Variants in SESN3 observed in about 807,000 individuals in gnomAD.
The protein encoded by SESN3 is sestrin 3, also known as sestrin-3.
SESN3 carries 21 observed loss-of-function variants against 55.3 expected under a neutral mutation model. The observed-to-expected ratio is 0.38, with a 90% CI of 0.27 to 0.55. The LOEUF is 0.55. SESN3 is among the 20% of genes least tolerant of loss of function. The pLI is 0.76. For missense variants in SESN3, 408 were observed against 604.3 expected (o/e 0.68, Z 3.41); for synonymous variants, 181 against 203.1 (o/e 0.89, Z 0.93).
At chr11:95,197,629 C>T (rs1860386819) in intron 1 of SESN3, among the ~76,000 whole-genome samples, 1 of 151,908 alleles carries the variant, frequency 6.6e-6, no homozygotes, top group Admixed American at 6.6e-5. Context: ...TGATCATTTA[C>T]TTTTATGTTT....
intron 6 of SESN3, among the ~76,000 whole-genome samples, chr11:95,179,216 G>A (rs1358449974): frequency 5.3e-5 from 8 of 151,512 alleles, no homozygotes; most frequent in Admixed American, 5.3e-4. Context: ...GTGCAGTGGC[G>A]CGATCTTAGC....
Position 95,166,126 on chromosome 11 carries a change from G to A in SESN3, c.*7129C>T, listed in dbSNP as rs1342687539. On this transcript the variant is annotated 3_prime_UTR_variant, in exon 10 of 10. Coordinates refer to ENST00000536441, the MANE Select transcript of SESN3 (RefSeq NM_144665.4). ...ACCGCCATTTGACACTGAAACTTGC[G>A]TGAATCCTAAATTGCATCAATTATC... is the stretch of plus-strand genomic sequence containing the variant. The A allele has an allele frequency of 2.0e-5, 3 of 152,082 alleles. No individual in the cohort carries two copies. Among genetic ancestry groups the A allele is most frequent in the South Asian group, 2.1e-4 (1 of 4,826 alleles). 9.4% of individuals were successfully genotyped at this position (152,082 alleles called of 1,614,324 possible). A position where few individuals can be genotyped will look rare whatever the true frequency, so the allele number is the denominator to read the frequency against.
upstream of SESN3, chr11:95,231,626 G>A (rs1861072521): frequency 6.5e-6 from 1 of 152,886 alleles, no homozygotes; most frequent in East Asian, 1.9e-4. Flanking sequence ...GAGAGTCTAA[G>A]ATTGAGCTAA....
chr11:95,175,388 C>T, intron 9 of SESN3, 110 bp downstream of exon 9: 1 of 990,384 alleles, frequency 1.0e-6, no homozygotes. Flanking sequence ...ATGCCACTTC[C>T]ATGTCAATGG....
intron 1 of SESN3, among the ~76,000 whole-genome samples, chr11:95,211,804 G>A (rs977603745): frequency 1.4e-4 from 22 of 151,958 alleles, no homozygotes; most frequent in Non-Finnish European, 7.4e-5. Flanking sequence ...TTAGAATTAT[G>A]CAATACTGAG....
chr11:95,169,098 C>T lies in SESN3; in HGVS notation c.*4157G>A, dbSNP rs977755092. ...CCATTTCACCCCAGCTATTTTTGTT[C>T]TAGGTCTCACCTGGGCAGATTCTAG... is the stretch of plus-strand genomic sequence containing the variant. On this transcript the variant is annotated 3_prime_UTR_variant, in exon 10 of 10. Coordinates refer to ENST00000536441, the MANE Select transcript of SESN3 (RefSeq NM_144665.4). 1.3e-5 allele frequency: 2 copies of T among 152,202 alleles called. No individual in the cohort carries two copies. The highest frequency in any genetic ancestry group is 2.9e-5 in the Non-Finnish European group (2 of 68,038). The allele number at this position is 152,202 out of a possible 1,614,324, so 9.4% of individuals were successfully genotyped here.
chr11:95,206,365 T>TACACACAC (rs3032056), intron 1 of SESN3, among the ~76,000 whole-genome samples: 132 of 140,464 alleles, frequency 9.4e-4, no homozygotes, highest in African/African-American at 3.0e-3. Flanking sequence ...AGTCCTAAAA[T>TACACACAC]ACACACACAC....
At chr11:95,205,147 G>A (rs906201456) in intron 1 of SESN3, among the ~76,000 whole-genome samples, 2 of 152,138 alleles carry the variant, frequency 1.3e-5, no homozygotes, top group South Asian at 4.1e-4. Context: ...ATGACACATC[G>A]AGGGAACTAT....
chr11:95,212,448 A>G (rs770780118), intron 1 of SESN3, among the ~76,000 whole-genome samples: 1 of 152,090 alleles, frequency 6.6e-6, no homozygotes, highest in Non-Finnish European at 1.5e-5. Context: ...AAATTACATT[A>G]TATTATAAAG....
In SESN3 at chr11:95,179,159, G is replaced by GC. The variant is rs528965195; in HGVS notation, c.938-332_938-331insG. On this transcript the variant is annotated intron_variant, in intron 6 of 9. Transcript: ENST00000536441. ...GGCCTATAAGTATAAAGCTTAACCA[G>GC]TTTTTTTTTTTTTGAGACAGAGTCT... 9.8e-3 allele frequency among the ~76,000 whole-genome samples: 1,421 copies of GC among 145,358 alleles called. 6 individuals carry two copies. The highest frequency in any genetic ancestry group is 0.014 in the Non-Finnish European group (918 of 65,714).
rs1443403049 is a variant in SESN3, at chr11:95,189,980, A to C, written c.343-19T>G. The C allele has an allele frequency of 6.4e-7, 1 of 1,561,990 alleles. No homozygotes were observed. On this transcript the variant is annotated intron_variant, in intron 3 of 9. Coordinates refer to ENST00000536441, the MANE Select transcript of SESN3 (RefSeq NM_144665.4). Reference sequence around the variant, plus strand: ...CTGCAGCCTAAAGCACAAAGAAAAAAATTCATTGATAAAAGAATCACAGTA... The same window carrying C: ...CTGCAGCCTAAAGCACAAAGAAAAACATTCATTGATAAAAGAATCACAGTA...
intron 6 of SESN3, among the ~76,000 whole-genome samples, chr11:95,181,837 C>G (rs543523420): frequency 6.6e-6 from 1 of 152,126 alleles, no homozygotes; most frequent in East Asian, 1.9e-4. Flanking sequence ...CATGGTAAGT[C>G]TACACAAATG....
chr11:95,181,553 C>T (rs1458391794), intron 6 of SESN3, among the ~76,000 whole-genome samples: 1 of 152,012 alleles, frequency 6.6e-6, no homozygotes, highest in Non-Finnish European at 1.5e-5. Context: ...CATTATTCTG[C>T]CCCTAAGAAG....
At chr11:95,188,198 G>A (rs1255787334) in intron 4 of SESN3, among the ~76,000 whole-genome samples, 1 of 151,614 alleles carries the variant, frequency 6.6e-6, no homozygotes, top group East Asian at 1.9e-4. Flanking sequence ...GTGATCAAAT[G>A]TACTTCCAAA....
At position 95,175,621 on chromosome 11, in the gene SESN3, T is replaced by A; in HGVS notation, c.1269A>T (p.Gly423=). 6 of 1,612,128 alleles carry A rather than the reference T, an allele frequency of 3.7e-6. No homozygotes were observed. Among genetic ancestry groups the A allele is most frequent in the Non-Finnish European group, 4.2e-6 (5 of 1,178,472 alleles). The change falls in exon 9 of 10, where the codon GGA becomes GGT. Residue 423 remains glycine (G), a synonymous_variant. Coordinates refer to ENST00000536441, the MANE Select transcript of SESN3 (RefSeq NM_144665.4). ...TTCTTTCAAGTAATTGATTAACTTC[T>A]CCATAATCATAGTCATCATACCTAC... The part of the protein sequence containing the change: ...FGIRYDDYDY[G]EVNQLLERSL...
At chr11:95,183,543 A>T (rs1038372549) in intron 6 of SESN3, among the ~76,000 whole-genome samples, 1 of 151,968 alleles carries the variant, frequency 6.6e-6, no homozygotes, top group Non-Finnish European at 1.5e-5. Flanking sequence ...CTCTATTTTT[A>T]AAAAATATAT....
In SESN3 at chr11:95,171,600, C is replaced by A. The variant is rs944710924; in HGVS notation, c.*1655G>T. 6.6e-6 allele frequency: 1 copy of A among 152,058 alleles called. No individual in the cohort carries two copies. Among genetic ancestry groups the A allele is most frequent in the Non-Finnish European group, 1.5e-5 (1 of 67,976 alleles). The allele number at this position is 152,058 out of a possible 1,614,324, so 9.4% of individuals were successfully genotyped here. A position where few individuals can be genotyped will look rare whatever the true frequency, so the allele number is the denominator to read the frequency against. Reference sequence around the variant, plus strand: ...TTCTTTCACAAAAGAAAAGTTAAATCTTATATCACAAGTAAGTCTAAAATG... The same window carrying A: ...TTCTTTCACAAAAGAAAAGTTAAATATTATATCACAAGTAAGTCTAAAATG... On this transcript the variant is annotated 3_prime_UTR_variant, in exon 10 of 10. Transcript: ENST00000536441.
At chr11:95,191,692 A>G (rs549850737) in intron 2 of SESN3, 91 bp from the exon 3 acceptor site, 490 of 896,122 alleles carry the variant, frequency 5.5e-4, no homozygotes, top group Non-Finnish European at 4.6e-4. Flanking sequence ...AAGCAAATGA[A>G]TATTCATTTG....
At chr11:95,174,192 G>A (rs572175341) in intron 9 of SESN3, among the ~76,000 whole-genome samples, 1 of 152,122 alleles carries the variant, frequency 6.6e-6, no homozygotes, top group Non-Finnish European at 1.5e-5. Context: ...AACATTCTCT[G>A]CTAAGATCAT....
Sources: allele counts gnomAD v4.1 joint callset (sites outside exome capture counted in the v4.1 genomes callset), GRCh38; gene constraint gnomAD v4.1.1; transcripts MANE v1.5; gene names NCBI Gene and HGNC (gene_info 2026-07-23, HGNC 2026-07-21).